EHBP1: variants seen among roughly 807,000 people sequenced by gnomAD.
EHBP1 encodes the protein EH domain-binding protein 1.
Under a neutral mutation model 144.0 loss-of-function variants are expected in EHBP1, and 55 were observed. The observed-to-expected ratio is 0.38, with a 90% CI of 0.31 to 0.48. The LOEUF (loss-of-function observed/expected upper bound fraction) is 0.48. Ranked by LOEUF, EHBP1 falls within the 20% of genes least tolerant of loss-of-function variation. EHBP1 has a pLI of 0.98. For synonymous variants in EHBP1, 469 were observed against 472.7 expected (o/e 0.99, Z 0.10); for missense variants, 1,200 against 1,364.2 (o/e 0.88, Z 1.90).
At chr2:62,753,752 A>T (rs1157749619) in intron 3 of EHBP1, among the ~76,000 whole-genome samples, 1 of 152,102 alleles carries the variant, frequency 6.6e-6, no homozygotes, top group Admixed American at 6.5e-5. Flanking sequence ...TTGACCTGCA[A>T]TCACTGATAC....
At chr2:62,867,157 A>G (rs1016565969) in intron 9 of EHBP1, among the ~76,000 whole-genome samples, 2 of 152,150 alleles carry the variant, frequency 1.3e-5, no homozygotes, top group African/African-American at 4.8e-5. Context: ...TCTCTGGTAG[A>G]TAATTGTTTA....
intron 14 of EHBP1, among the ~76,000 whole-genome samples, chr2:62,976,588 C>A (rs1454868725): frequency 6.6e-6 from 1 of 152,112 alleles, no homozygotes; most frequent in African/African-American, 2.4e-5. Context: ...CTAATTTTCT[C>A]CTTTCTGTGT....
upstream of EHBP1, among the ~76,000 whole-genome samples, chr2:62,705,057 C>G (rs1195785938): frequency 2.0e-5 from 3 of 152,184 alleles, no homozygotes; most frequent in Non-Finnish European, 4.4e-5. Context: ...TCAGCTGATT[C>G]AATCCCACTG....
At chr2:62,840,430 C>G (rs1358413420) in intron 7 of EHBP1, among the ~76,000 whole-genome samples, 2 of 143,760 alleles carry the variant, frequency 1.4e-5, no homozygotes, top group African/African-American at 2.6e-5. Flanking sequence ...TAGGCATGGG[C>G]AAGGACTTCA....
chr2:62,674,408 G>A (rs1021136607), intron 1 of EHBP1, among the ~76,000 whole-genome samples: 1 of 152,206 alleles, frequency 6.6e-6, no homozygotes, highest in Middle Eastern at 3.4e-3. Context: ...CTCAATTTTG[G>A]GGAAGTTTGC....
intron 6 of EHBP1, among the ~76,000 whole-genome samples, chr2:62,829,802 C>T (rs192909560): frequency 1.4e-5 from 2 of 146,640 alleles, no homozygotes; most frequent in Admixed American, 1.4e-4. Flanking sequence ...TACACTATTA[C>T]TCCTGCAATA....
intron 7 of EHBP1, among the ~76,000 whole-genome samples, chr2:62,849,235 A>G (rs1407336209): frequency 6.6e-6 from 1 of 152,020 alleles, no homozygotes; most frequent in East Asian, 1.9e-4. Context: ...TGTCATGTAA[A>G]AAGTTCATGT....
At chr2:62,882,437 T>C (rs2051525517) in intron 10 of EHBP1, among the ~76,000 whole-genome samples, 1 of 152,236 alleles carries the variant, frequency 6.6e-6, no homozygotes, top group South Asian at 2.1e-4. Context: ...CAAGAAACTT[T>C]AGGTCCCTTA....
At chr2:62,782,083 G>A (rs1224613584) in intron 5 of EHBP1, among the ~76,000 whole-genome samples, 1 of 152,160 alleles carries the variant, frequency 6.6e-6, no homozygotes, top group Non-Finnish European at 1.5e-5. Flanking sequence ...TGAAACCCAT[G>A]CATTTTACCA....
At chr2:62,699,144 A>G (rs1271245446) in intron 1 of EHBP1, among the ~76,000 whole-genome samples, 1 of 152,182 alleles carries the variant, frequency 6.6e-6, no homozygotes, top group Non-Finnish European at 1.5e-5. Context: ...AATGATATTA[A>G]TTATATTATC....
rs189644252 is a variant in EHBP1, at chr2:63,043,058, T to G, written c.3278-2008T>G. 3.2e-3 allele frequency among the ~76,000 whole-genome samples: 488 copies of G among 152,276 alleles called. 3 individuals carry two copies. Among genetic ancestry groups the G allele is most frequent in the African/African-American group, 0.011 (463 of 41,584 alleles). Reference sequence around the variant, plus strand: ...TTAATATAAAATTTAGTCTCAAATCTATTACACATTTAGGTTTTTTTCTGA... The same window carrying G: ...TTAATATAAAATTTAGTCTCAAATCGATTACACATTTAGGTTTTTTTCTGA... On this transcript the variant is annotated intron_variant, in intron 21 of 22. Coordinates refer to ENST00000431489, the MANE Select transcript of EHBP1 (RefSeq NM_001142616.3).
At chr2:62,955,688 TA>T in intron 14 of EHBP1, 28 bp downstream of exon 14, 1 of 1,581,196 alleles carries the variant, frequency 6.3e-7, no homozygotes. Context: ...AAAAAGACCA[TA>T]AGTTGTTCAT....
At chr2:62,976,923 A>T (rs1334689629) in intron 14 of EHBP1, among the ~76,000 whole-genome samples, 1 of 151,800 alleles carries the variant, frequency 6.6e-6, no homozygotes, top group African/African-American at 2.4e-5. Context: ...AAAATTTCTG[A>T]GTTTTTTTTC....
rs2056912513 is a variant in EHBP1, at chr2:62,943,829, T to C, written c.1392T>C (p.Asp464=). 6.2e-7 allele frequency: 1 copy of C among 1,605,036 alleles called. No homozygotes were observed. The highest frequency in any genetic ancestry group is 8.5e-7 in the Non-Finnish European group (1 of 1,174,430). The change falls in exon 12 of 23, where the codon GAT becomes GAC. Residue 464 remains aspartate (D), a synonymous_variant. Coordinates refer to ENST00000431489, the MANE Select transcript of EHBP1 (RefSeq NM_001142616.3). ...LIDYKSLNPQ[D]IKENNKKAYD... ...ACTACAAGTCTCTGAATCCTCAAGA[T>C]ATTAAAGAGAACAACAAAAAGGTAA...
rs1008888264 is a variant in EHBP1, at chr2:62,762,112, G to A, written c.163-2154G>A. Among the ~76,000 whole-genome samples the A allele has an allele frequency of 5.3e-5, 8 of 152,068 alleles. No homozygotes were observed. The South Asian group carries it at 1.0e-3, about 20-fold the overall frequency. ...GCCACTGTACCTGGCCTTATTAATGGCTTCTGCTTTGTTAAACCCAGTGAC... is the reference window on the plus strand; with the variant it reads ...GCCACTGTACCTGGCCTTATTAATGACTTCTGCTTTGTTAAACCCAGTGAC... On this transcript the variant is annotated intron_variant, in intron 3 of 22. Transcript: ENST00000431489.
chr2:62,855,926 C>G (rs1436072598), intron 7 of EHBP1, among the ~76,000 whole-genome samples: 1 of 152,220 alleles, frequency 6.6e-6, no homozygotes, highest in Non-Finnish European at 1.5e-5. Context: ...CTGCTGAGAG[C>G]TGCAGAGTTG....
intron 2 of EHBP1, among the ~76,000 whole-genome samples, chr2:62,709,745 G>T (rs550154352): frequency 1.3e-5 from 2 of 151,680 alleles, no homozygotes; most frequent in East Asian, 3.9e-4. Flanking sequence ...AGTATTGGGG[G>T]TACTTAATAC....
intron 19 of EHBP1, among the ~76,000 whole-genome samples, chr2:63,012,268 GCTA>G (rs1250868092): frequency 1.8e-4 from 28 of 151,896 alleles, no homozygotes; most frequent in Admixed American, 1.8e-3. Context: ...ATAACCAAAT[GCTA>G]CTGTGTCATA....
chr2:62,757,910 G>A (rs773798946), intron 3 of EHBP1, among the ~76,000 whole-genome samples: 15 of 152,042 alleles, frequency 9.9e-5, no homozygotes, highest in African/African-American at 3.1e-4. Context: ...TACTCGGGAG[G>A]TTGAGGCAGG....
Sources: gnomAD v4.1 joint callset for allele counts (sites outside exome capture counted in the v4.1 genomes callset) on GRCh38, gnomAD v4.1.1 for gene constraint, MANE v1.5 for transcripts, NCBI Gene and HGNC (gene_info 2026-07-23, HGNC 2026-07-21) for gene names.